Variants in GLRA2 observed in about 807,000 individuals in gnomAD.
GLRA2 encodes the protein glycine receptor subunit alpha-2.
In GLRA2, 11 loss-of-function variants were observed where a neutral mutation model predicts 31.6. The ratio of observed to expected loss-of-function variants is 0.35; its 90% CI spans 0.22 to 0.58. The LOEUF is 0.58. Among genes scored for constraint, GLRA2 ranks in the 20% least tolerant of loss-of-function variants. The pLI is 0.84. For synonymous variants in GLRA2, 132 were observed against 134.0 expected, an observed-to-expected ratio of 0.99 and a Z score of 0.10; for missense variants, 212 against 351.8, an observed-to-expected ratio of 0.60 and a Z score of 3.18.
chrX:14,671,468 G>A (rs2091092561), intron 7 of GLRA2, among the ~76,000 whole-genome samples: 1 of 111,845 alleles, frequency 8.9e-6, no homozygotes, highest in African/African-American at 3.3e-5. Context: ...TTACCATGAG[G>A]GACAACTAGT....
chrX:14,464,580 G>A, the GLRA2 span, among the ~76,000 whole-genome samples: 3 of 109,763 alleles, frequency 2.7e-5, no homozygotes, highest in South Asian at 7.7e-4. Context: ...TTTTCGAGAC[G>A]AAGTCTCGCT....
At chrX:14,507,309 C>A in the GLRA2 span, among the ~76,000 whole-genome samples, 2 of 112,313 alleles carry the variant, frequency 1.8e-5, no homozygotes, top group African/African-American at 6.5e-5. Context: ...TGAGTCTTTG[C>A]AAATTACCTA....
intron 7 of GLRA2, among the ~76,000 whole-genome samples, chrX:14,689,482 T>TTG (rs762305268): frequency 8.9e-6 from 1 of 111,967 alleles, no homozygotes; most frequent in African/African-American, 3.2e-5. Context: ...AGCAATGTGT[T>TTG]TGTGTGTGTG....
intron 7 of GLRA2, among the ~76,000 whole-genome samples, chrX:14,680,112 A>G (rs1452035206): frequency 8.9e-6 from 1 of 112,619 alleles, no homozygotes; most frequent in East Asian, 2.8e-4. Context: ...CTGTCTTCAA[A>G]TAAAACTTTA....
Position 14,529,826 on chromosome X carries a change from G to A in GLRA2, c.-232G>A. 1 of 422,870 alleles carries A rather than the reference G, an allele frequency of 2.4e-6. No individual in the cohort carries two copies. Among genetic ancestry groups the A allele is most frequent in the East Asian group, 4.0e-5 (1 of 25,226 alleles). The allele number at this position is 422,870 out of a possible 1,213,427, so 34.8% of individuals were successfully genotyped here. On this transcript the variant is annotated 5_prime_UTR_variant, in exon 1 of 9. Transcript: ENST00000218075. ...GGGGATTCATCAGTTCTGAGGCTTT[G>A]TCTTTCTGGGTTAACTGATGGTCCC...
chrX:14,572,226 T>C (rs776847397), intron 2 of GLRA2, among the ~76,000 whole-genome samples: 2 of 112,265 alleles, frequency 1.8e-5, no homozygotes, highest in Non-Finnish European at 3.8e-5. Flanking sequence ...TCCAAGCCAG[T>C]TGGGTAGGCT....
chrX:14,519,194 C>A, the GLRA2 span, among the ~76,000 whole-genome samples: 1 of 109,711 alleles, frequency 9.1e-6, no homozygotes, highest in African/African-American at 3.3e-5. Flanking sequence ...TCATCATATG[C>A]CATTTTCAAA....
chrX:14,659,491 G>T (rs2147146510), intron 7 of GLRA2, among the ~76,000 whole-genome samples: 1 of 112,067 alleles, frequency 8.9e-6, no homozygotes, highest in East Asian at 2.8e-4. Context: ...ATTCTGCAAA[G>T]GTTTCTTTGC....
chrX:14,599,892 C>A (rs1340561310), intron 4 of GLRA2, among the ~76,000 whole-genome samples: 3 of 111,742 alleles, frequency 2.7e-5, no homozygotes, highest in African/African-American at 9.8e-5. Context: ...AAATGATGAG[C>A]TCTGAGGCTC....
chrX:14,589,527 C>T (rs912064311), intron 4 of GLRA2, among the ~76,000 whole-genome samples: 3 of 104,061 alleles, frequency 2.9e-5, no homozygotes, highest in Non-Finnish European at 3.9e-5. Context: ...AAAAATTAGC[C>T]GGGCATGGTG....
At chrX:14,591,528 T>C (rs1052080942) in intron 4 of GLRA2, among the ~76,000 whole-genome samples, 4 of 111,915 alleles carry the variant, frequency 3.6e-5, no homozygotes, top group African/African-American at 1.3e-4. Context: ...AAGTTGGCTC[T>C]TCCATCTTCT....
At chrX:14,601,366 T>C (rs2090272595) in intron 4 of GLRA2, among the ~76,000 whole-genome samples, 1 of 111,875 alleles carries the variant, frequency 8.9e-6, no homozygotes, top group Non-Finnish European at 1.9e-5. Flanking sequence ...CATGATATGA[T>C]TGTAATAGCA....
chrX:14,560,227 C>T (rs1002306711), intron 2 of GLRA2, among the ~76,000 whole-genome samples: 5 of 112,520 alleles, frequency 4.4e-5, no homozygotes, highest in Non-Finnish European at 9.4e-5. Flanking sequence ...CCAAGGGCCA[C>T]ACATTAAAAC....
the GLRA2 span, among the ~76,000 whole-genome samples, chrX:14,497,079 T>G: frequency 8.9e-6 from 1 of 112,043 alleles, no homozygotes; most frequent in Non-Finnish European, 1.9e-5. Flanking sequence ...GCGTCTGATA[T>G]TTGGGTTAAT....
At chrX:14,489,073 C>T in the GLRA2 span, among the ~76,000 whole-genome samples, 2 of 111,950 alleles carry the variant, frequency 1.8e-5, no homozygotes, top group South Asian at 7.4e-4. Flanking sequence ...AACAGATCTT[C>T]CTGTATATGG....
At chrX:14,663,090 T>A (rs892772290) in intron 7 of GLRA2, among the ~76,000 whole-genome samples, 3 of 111,400 alleles carry the variant, frequency 2.7e-5, no homozygotes, top group Non-Finnish European at 5.7e-5. Context: ...ACCATCTCCT[T>A]TCTAATTTGT....
the GLRA2 span, among the ~76,000 whole-genome samples, chrX:14,474,560 GCTTGGTGGGCTTAGCTGAC>G: frequency 1.8e-5 from 2 of 111,174 alleles, no homozygotes; most frequent in African/African-American, 3.3e-5. Flanking sequence ...ATTCTTCTGG[GCTTGGTGGGCTTAGCTGAC>G]CTTGGCTGGC....
At chrX:14,504,870 G>A in the GLRA2 span, among the ~76,000 whole-genome samples, 18 of 112,040 alleles carry the variant, frequency 1.6e-4, no homozygotes, top group African/African-American at 5.8e-4. Flanking sequence ...TTTCAAGCCT[G>A]TTGGCAGTAA....
chrX:14,490,317 G>A, the GLRA2 span, among the ~76,000 whole-genome samples: 5 of 112,069 alleles, frequency 4.5e-5, no homozygotes, highest in Non-Finnish European at 7.5e-5. Context: ...TTGGGGGAGT[G>A]TGTGGGAGGC....
Sources: gnomAD v4.1 joint callset for allele counts (sites outside exome capture counted in the v4.1 genomes callset) on GRCh38, gnomAD v4.1.1 for gene constraint, MANE v1.5 for transcripts, NCBI Gene and HGNC (gene_info 2026-07-23, HGNC 2026-07-21) for gene names.